Variants in LOC400499 observed in about 807,000 individuals in gnomAD.
the LOC400499 span, among the ~76,000 whole-genome samples, chr16:11,381,627 GAGTA>G: frequency 6.6e-6 from 1 of 152,194 alleles, no homozygotes; most frequent in East Asian, 1.9e-4. Context: ...TGGATCCCTT[GAGTA>G]AGTGTCATTC....
At chr16:11,422,452 G>A in the LOC400499 span, among the ~76,000 whole-genome samples, 10 of 152,160 alleles carry the variant, frequency 6.6e-5, no homozygotes, top group African/African-American at 2.4e-4. Flanking sequence ...GAAAGGAAAG[G>A]AAAGGAAAGG....
chr16:11,446,208 G>C, the LOC400499 span, among the ~76,000 whole-genome samples: 1 of 152,082 alleles, frequency 6.6e-6, no homozygotes, highest in Non-Finnish European at 1.5e-5. Context: ...GAATGCAATG[G>C]TGCAACCATG....
the LOC400499 span, chr16:11,390,168 G>A: frequency 8.1e-6 from 10 of 1,232,282 alleles, no homozygotes; most frequent in South Asian, 4.1e-5. Context: ...CCGTGAGAAC[G>A]TGGCCTCAGC....
the LOC400499 span, chr16:11,461,193 G>T: frequency 6.8e-7 from 1 of 1,466,806 alleles, no homozygotes; most frequent in Non-Finnish European, 9.0e-7. Flanking sequence ...AGGCAAAGAA[G>T]GGACTCAGGT....
At chr16:11,419,355 T>C in the LOC400499 span, among the ~76,000 whole-genome samples, 38,474 of 151,628 alleles carry the variant, frequency 0.25, 5,140 homozygotes, top group Non-Finnish European at 0.3. Flanking sequence ...GGGGAAAGGA[T>C]TCCCTATTTA....
chr16:11,407,698 T>A, the LOC400499 span, among the ~76,000 whole-genome samples: 2 of 152,312 alleles, frequency 1.3e-5, no homozygotes, highest in East Asian at 1.9e-4. Context: ...CGTGTCAGCA[T>A]CAAACACAAC....
chr16:11,409,288 A>T, the LOC400499 span, among the ~76,000 whole-genome samples: 2 of 152,106 alleles, frequency 1.3e-5, no homozygotes, highest in Admixed American at 1.3e-4. Flanking sequence ...ATAAAAAAAT[A>T]AAAAAATAAA....
At chr16:11,407,242 G>A in the LOC400499 span, 63 of 399,032 alleles carry the variant, frequency 1.6e-4, no homozygotes, top group African/African-American at 1.2e-3. Context: ...TGTTGAGACC[G>A]GCCTTAGCAG....
the LOC400499 span, among the ~76,000 whole-genome samples, chr16:11,502,649 C>G: frequency 6.7e-6 from 1 of 148,956 alleles, no homozygotes; most frequent in Non-Finnish European, 1.5e-5. Context: ...GAGTCTCACT[C>G]TGTTGCCCAG....
At chr16:11,375,398 C>G in the LOC400499 span, among the ~76,000 whole-genome samples, 4 of 138,544 alleles carry the variant, frequency 2.9e-5, 1 homozygote, top group African/African-American at 5.8e-5. Context: ...ACTGCAACCT[C>G]TGCCTCCCGT....
At chr16:11,438,393 G>T in the LOC400499 span, among the ~76,000 whole-genome samples, 4 of 152,088 alleles carry the variant, frequency 2.6e-5, no homozygotes, top group Admixed American at 2.6e-4. Flanking sequence ...AGAATAAGCA[G>T]TTCCCTCCAT....
the LOC400499 span, among the ~76,000 whole-genome samples, chr16:11,480,990 C>T: frequency 6.6e-6 from 1 of 152,232 alleles, no homozygotes; most frequent in Non-Finnish European, 1.5e-5. Flanking sequence ...ACACGTGGTA[C>T]ATCCATACGA....
the LOC400499 span, chr16:11,508,652 G>A: frequency 2.8e-5 from 11 of 398,634 alleles, no homozygotes; most frequent in East Asian, 1.8e-4. Flanking sequence ...GGCAGGAAGA[G>A]GAAGGTGTCC....
chr16:11,389,683 C>A, the LOC400499 span, among the ~76,000 whole-genome samples: 4 of 21,486 alleles, frequency 1.9e-4, no homozygotes, highest in East Asian at 1.1e-3. Flanking sequence ...AAAACTCCAT[C>A]TCAAAAAAAA....
chr16:11,462,522 T>G, the LOC400499 span: 5 of 728,038 alleles, frequency 6.9e-6, no homozygotes, highest in Non-Finnish European at 8.4e-6. Context: ...CTCCACCTCC[T>G]GGGTTCAAGT....
the LOC400499 span, among the ~76,000 whole-genome samples, chr16:11,441,343 G>A: frequency 6.6e-6 from 1 of 152,234 alleles, no homozygotes; most frequent in Non-Finnish European, 1.5e-5. Context: ...TGCCTTGGGA[G>A]TAGTTTATTT....
the LOC400499 span, chr16:11,385,243 G>A: frequency 3.2e-6 from 4 of 1,232,286 alleles, no homozygotes; most frequent in South Asian, 8.2e-5. Flanking sequence ...AGGGTCTTGT[G>A]GTTAAGTTCC....
At chr16:11,441,201 G>A in the LOC400499 span, 91 of 397,428 alleles carry the variant, frequency 2.3e-4, no homozygotes, top group African/African-American at 7.4e-4. Flanking sequence ...TTATGGAGCA[G>A]TCTACACTCT....
chr16:11,440,180 G>A, the LOC400499 span, among the ~76,000 whole-genome samples: 1 of 152,122 alleles, frequency 6.6e-6, no homozygotes, highest in Admixed American at 6.5e-5. Flanking sequence ...GGACAGGAAT[G>A]AACACGTCCA....
Sources: allele counts gnomAD v4.1 joint callset (sites outside exome capture counted in the v4.1 genomes callset), GRCh38; gene constraint gnomAD v4.1.1; transcripts MANE v1.5.